ALDH16A1: variants seen among roughly 807,000 people sequenced by gnomAD.
The protein encoded by ALDH16A1 is aldehyde dehydrogenase 16 family member A1, also known as aldehyde dehydrogenase family 16 member A1.
A neutral mutation model predicts 96.1 loss-of-function variants in ALDH16A1; 88 were observed. The observed-to-expected ratio is 0.92, with a 90% CI of 0.77 to 1.09. ALDH16A1 has a LOEUF of 1.09. Ranked by LOEUF, ALDH16A1 falls within the 50% of genes least tolerant of loss-of-function variation. ALDH16A1 has a pLI of 0.00. For missense variants in ALDH16A1, 1,250 were observed against 1,112.6 expected (o/e 1.12, Z -1.76); for synonymous variants, 522 against 496.4 (o/e 1.05, Z -0.69).
At chr19:49,457,402 G>C (rs112110111) in intron 1 of ALDH16A1, among the ~76,000 whole-genome samples, 2 of 151,420 alleles carry the variant, frequency 1.3e-5, no homozygotes, top group African/African-American at 4.9e-5. Context: ...AAAAAAATTA[G>C]CCAGGCGTGG....
intron 8 of ALDH16A1, among the ~76,000 whole-genome samples, chr19:49,462,993 C>A (rs36190638): frequency 0.22 from 9,355 of 42,122 alleles, 2,007 homozygotes; most frequent in Middle Eastern, 0.34. Context: ...GGGGCCTGGA[C>A]TCCTGGGTCT....
chr19:49,457,465 G>A (rs1309104943), intron 1 of ALDH16A1, among the ~76,000 whole-genome samples: 1 of 150,902 alleles, frequency 6.6e-6, no homozygotes, highest in Non-Finnish European at 1.5e-5. Context: ...GGAGAATGGC[G>A]TGAATCCAGG....
At chr19:49,465,937 A>G (rs2079194273) in intron 13 of ALDH16A1, 32 bp downstream of exon 13, 5 of 1,602,894 alleles carry the variant, frequency 3.1e-6, no homozygotes, top group African/African-American at 1.3e-5. Flanking sequence ...CCCAAGGGTC[A>G]TGGTGTGGCA....
chr19:49,463,816 G>A (rs994577799), intron 8 of ALDH16A1, 38 bp from the exon 9 acceptor site: 4 of 1,588,294 alleles, frequency 2.5e-6, no homozygotes, highest in Non-Finnish European at 3.4e-6. Flanking sequence ...CAGCAGGAAG[G>A]GACCAGAAGT....
Position 49,470,351 on chromosome 19 carries a change from G to T in ALDH16A1, c.2293G>T (p.Val765Leu). ...EWASAGNLKPVWASRGCPRAW... is the reference protein window; with the variant it reads ...EWASAGNLKPLWASRGCPRAW... ...GGCCTCGGCAGGAAACCTCAAACCGGTGTGGGCGAGCAGGGGCTGCCCGCG... is the reference window on the plus strand; with the variant it reads ...GGCCTCGGCAGGAAACCTCAAACCGTTGTGGGCGAGCAGGGGCTGCCCGCG... Residue 765 changes from valine to leucine, a missense_variant, in exon 17 of 17, where the codon GTG becomes TTG. Val to Leu is a conservative substitution (Grantham distance 32, BLOSUM62 1). Transcript: ENST00000293350. 4.3e-6 allele frequency: 7 copies of T among 1,613,370 alleles called. No individual in the cohort carries two copies. Among genetic ancestry groups the T allele is most frequent in the Non-Finnish European group, 5.9e-6 (7 of 1,179,862 alleles).
At position 49,464,678 on chromosome 19, in the gene ALDH16A1, C is replaced by T. The variant is rs146615636; in HGVS notation, c.1484C>T (p.Ser495Phe). The change falls in exon 12 of 17, where the codon TCC (serine) becomes TTC (phenylalanine). Residue 495 changes from serine to phenylalanine, a missense_variant. By Grantham distance (155) the Ser-to-Phe change is radical. Coordinates refer to ENST00000293350, the MANE Select transcript of ALDH16A1 (RefSeq NM_153329.4). ...CCCTCAGGGACCCCTGCCCGGCTGTCCTGCCTCTCCAAGAACCTGAACTAT... is the reference window on the plus strand; with the variant it reads ...CCCTCAGGGACCCCTGCCCGGCTGTTCTGCCTCTCCAAGAACCTGAACTAT... Reference protein sequence around the residue: ...LRPSGTPARLSCLSKNLNYDT... With the variant: ...LRPSGTPARLFCLSKNLNYDT... 2.8e-5 allele frequency: 46 copies of T among 1,614,074 alleles called. No homozygotes were observed. Among genetic ancestry groups the T allele is most frequent in the Middle Eastern group, 1.6e-4 (1 of 6,084 alleles).
chr19:49,466,063 G>C lies in ALDH16A1; in HGVS notation c.1737-19G>C. 1 of 1,540,402 alleles carries C rather than the reference G, an allele frequency of 6.5e-7. No homozygotes were observed. The highest frequency in any genetic ancestry group is 8.7e-7 in the Non-Finnish European group (1 of 1,146,624). ...CAAGACCAGGATGCCAACCCCCACT[G>C]TGCGCTGTCTGCCCACAGCTGGGCG... is the stretch of plus-strand genomic sequence containing the variant. On this transcript the variant is annotated intron_variant, in intron 13 of 16. Coordinates refer to ENST00000293350, the MANE Select transcript of ALDH16A1 (RefSeq NM_153329.4).
At chr19:49,453,719 G>A (rs2079087494) in intron 1 of ALDH16A1, among the ~76,000 whole-genome samples, 1 of 152,134 alleles carries the variant, frequency 6.6e-6, no homozygotes, top group Admixed American at 6.5e-5. Context: ...TGATTCCTCA[G>A]GGTCCCCTCA....
chr19:49,470,648 CTTTTTTTT>C lies in ALDH16A1; in HGVS notation c.*192_*199del. The C allele has an allele frequency of 2.3e-5, 8 of 341,486 alleles. No individual in the cohort carries two copies. In the South Asian group the frequency reaches 5.2e-4, roughly 22 times the overall value. 21.2% of individuals were successfully genotyped at this position (341,486 alleles called of 1,614,324 possible). ...CTTCTGGCAGATATGAGGCTTTTTT[CTTTTTTTT>C]TTTTTTTTTTGAGACAACGTCTGGC... On this transcript the variant is annotated 3_prime_UTR_variant, in exon 17 of 17. Transcript: ENST00000293350.
In ALDH16A1 at chr19:49,461,926, G is replaced by A. The variant is rs1244793793; in HGVS notation, c.802G>A (p.Glu268Lys). The change falls in exon 7 of 17, where the codon GAG (glutamate) becomes AAG (lysine). Residue 268 changes from glutamate (E) to lysine (K), a missense_variant. Physicochemically the swap from Glu to Lys is moderately conservative, Grantham distance 56. Transcript: ENST00000293350. Reference sequence around the variant, plus strand: ...ACGGAGCCTGGCGGGAGAGTGTGCGGAGCTGGGCCTGGCGCTGGGGACGGA... The same window carrying A: ...ACGGAGCCTGGCGGGAGAGTGTGCGAAGCTGGGCCTGGCGCTGGGGACGGA... Reference protein sequence around the residue: ...LRRSLAGECAELGLALGTESL... With the variant: ...LRRSLAGECAKLGLALGTESL... 1.9e-6 allele frequency: 3 copies of A among 1,578,274 alleles called. No homozygotes were observed. Among genetic ancestry groups the A allele is most frequent in the Non-Finnish European group, 1.7e-6 (2 of 1,163,420 alleles).
rs1457032751 is a variant in ALDH16A1 at position 49,453,382 on chromosome 19, G to A, written c.51G>A (p.Leu17=). 2 of 1,568,456 alleles carry A rather than the reference G, an allele frequency of 1.3e-6. No homozygotes were observed. The highest frequency in any genetic ancestry group is 1.7e-6 in the Non-Finnish European group (2 of 1,159,588). The change falls in exon 1 of 17, where the codon CTG becomes CTA. Residue 17 remains leucine (L), a synonymous_variant. Coordinates refer to ENST00000293350, the MANE Select transcript of ALDH16A1 (RefSeq NM_153329.4). Reference sequence around the variant, plus strand: ...GCGCCCGCGAGATCTTCACCTCGCTGGAGTACGGACCGGTGCCGGAGAGCC... The same window carrying A: ...GCGCCCGCGAGATCTTCACCTCGCTAGAGTACGGACCGGTGCCGGAGAGCC... ...GPRAREIFTS[L]EYGPVPESHA...
intron 1 of ALDH16A1, among the ~76,000 whole-genome samples, chr19:49,454,974 T>C (rs986670006): frequency 1.3e-5 from 2 of 150,040 alleles, no homozygotes; most frequent in African/African-American, 5.0e-5. Context: ...AAAAATTACC[T>C]GAGCGTGGTG....
At chr19:49,460,347 C>T (rs181237544) in intron 4 of ALDH16A1, among the ~76,000 whole-genome samples, 39 of 152,254 alleles carry the variant, frequency 2.6e-4, no homozygotes, top group Non-Finnish European at 4.7e-4. Flanking sequence ...TCAAAATCCT[C>T]CCACCTCAGC....
rs909822038 is a variant in ALDH16A1, at chr19:49,465,664, C to A, written c.1569-74C>A. 8 of 1,504,712 alleles carry A rather than the reference C, an allele frequency of 5.3e-6. No homozygotes were observed. The East Asian group carries it at 1.6e-4, about 30-fold the overall frequency. 93.2% of individuals were successfully genotyped at this position (1,504,712 alleles called of 1,614,324 possible). A position where few individuals can be genotyped will look rare whatever the true frequency, so the allele number is the denominator to read the frequency against. Reference sequence around the variant, plus strand: ...GGCTCACGGGAGCCAAGGCAGTCTTCCCAGTGCGGTAGAGCATAGGGTCTG... The same window carrying A: ...GGCTCACGGGAGCCAAGGCAGTCTTACCAGTGCGGTAGAGCATAGGGTCTG... On this transcript the variant is annotated intron_variant, in intron 12 of 16. Coordinates refer to ENST00000293350, the MANE Select transcript of ALDH16A1 (RefSeq NM_153329.4).
chr19:49,460,661 A>G (rs1601023913), intron 4 of ALDH16A1, among the ~76,000 whole-genome samples, 161 bp from the exon 5 acceptor site: 1 of 147,148 alleles, frequency 6.8e-6, no homozygotes, highest in African/African-American at 2.5e-5. Context: ...TGATCCGCCC[A>G]CCTCGACCTC....
Position 49,459,160 on chromosome 19 carries a change from T to C in ALDH16A1, c.320+74T>C. 6.5e-7 allele frequency: 1 copy of C among 1,545,558 alleles called. No individual in the cohort carries two copies. Among genetic ancestry groups the C allele is most frequent in the Non-Finnish European group, 8.7e-7 (1 of 1,145,336 alleles). ...CACTCGAGACCATGGGAACAAAGGC[T>C]ATTTCCCAAGATCCCACTGAATTAA... is the stretch of plus-strand genomic sequence containing the variant. On this transcript the variant is annotated intron_variant, in intron 3 of 16. Transcript: ENST00000293350. The surrounding 1 kb of genome is among the most constrained non-coding windows in gnomAD (Gnocchi z 4.1).
In ALDH16A1 at chr19:49,463,872, G is replaced by A. The variant is rs1163184212; in HGVS notation, c.1117G>A (p.Val373Met). 3 of 1,613,272 alleles carry A rather than the reference G, an allele frequency of 1.9e-6. No individual in the cohort carries two copies. The highest frequency in any genetic ancestry group is 1.3e-5 in the African/African-American group (1 of 74,848). Residue 373 changes from valine (V) to methionine (M), a missense_variant, in exon 9 of 17, where the codon GTG (valine) becomes ATG (methionine). By Grantham distance (21) the Val-to-Met change is conservative. Transcript: ENST00000293350. ...TCCCTAGGTGTTCCAGGCTGGTGAT[G>A]TGCCTTCGGAACGCCCATTCTATCC... Reference protein sequence around the residue: ...QGAQVFQAGDVPSERPFYPPT... With the variant: ...QGAQVFQAGDMPSERPFYPPT...
chr19:49,462,644 G>C lies in ALDH16A1; in HGVS notation c.987G>C (p.Arg329=), dbSNP rs2079160257. The change falls in exon 8 of 17, where the codon CGG becomes CGC. Residue 329 remains arginine, a synonymous_variant. Transcript: ENST00000293350. ...AMRRLQERMG[R]LRSGRGLDGA... ...GACGGCTGCAGGAGCGGATGGGGCG[G>C]CTTCGGAGTGGCCGAGGGCTGGATG... The C allele has an allele frequency of 6.2e-7, 1 of 1,612,480 alleles. No individual in the cohort carries two copies. Among genetic ancestry groups the C allele is most frequent in the African/African-American group, 1.3e-5 (1 of 74,880 alleles).
intron 16 of ALDH16A1, 71 bp downstream of exon 16, chr19:49,469,057 C>T (rs879742300): frequency 6.5e-7 from 1 of 1,538,296 alleles, no homozygotes; most frequent in Non-Finnish European, 8.8e-7. Context: ...TCTGGAAACA[C>T]AGCCCCGCCC....
Sources: gnomAD v4.1 joint callset for allele counts (sites outside exome capture counted in the v4.1 genomes callset) on GRCh38, gnomAD v4.1.1 for gene constraint, Gnocchi (gnomAD v3.1) non-coding constraint, MANE v1.5 for transcripts, NCBI Gene and HGNC (gene_info 2026-07-23, HGNC 2026-07-21) for gene names.